ADAM23: variants seen among roughly 807,000 people sequenced by gnomAD.
The protein encoded by ADAM23 is disintegrin and metalloproteinase domain-containing protein 23.
In ADAM23, 33 loss-of-function variants were observed where a neutral mutation model predicts 120.1. The observed-to-expected ratio is 0.27, with a 90% CI of 0.21 to 0.37. The LOEUF (loss-of-function observed/expected upper bound fraction) is 0.37, where lower values mean the gene tolerates loss of function less well. ADAM23 is among the 10% of genes least tolerant of loss of function. ADAM23 has a pLI of 1.00. For synonymous variants in ADAM23, 367 were observed against 375.2 expected (o/e 0.98, Z 0.25); for missense variants, 862 against 1,058.2 (o/e 0.81, Z 2.57).
At chr2:206,526,679 C>G (rs1201837186) in intron 3 of ADAM23, among the ~76,000 whole-genome samples, 1 of 152,174 alleles carries the variant, frequency 6.6e-6, no homozygotes, top group Non-Finnish European at 1.5e-5. Flanking sequence ...CTAACTGCAG[C>G]AGAACCTGCA....
chr2:206,531,068 G>T, intron 4 of ADAM23, 120 bp downstream of exon 4: 1 of 697,672 alleles, frequency 1.4e-6, no homozygotes, highest in Non-Finnish European at 2.3e-6. Flanking sequence ...CTTTTACAAT[G>T]ATACTATTTT....
At position 206,550,176 on chromosome 2, in the gene ADAM23, C is replaced by T. The variant is rs763795167; in HGVS notation, c.933+16C>T. On this transcript the variant is annotated intron_variant, in intron 9 of 25. Coordinates refer to ENST00000264377, the MANE Select transcript of ADAM23 (RefSeq NM_003812.4). ...TCACAAAACGGTAAGAATATAGAGTCAGTGGGTTTTAGAACAGATAGCTTA... is the reference window on the plus strand; with the variant it reads ...TCACAAAACGGTAAGAATATAGAGTTAGTGGGTTTTAGAACAGATAGCTTA... 10 of 1,513,762 alleles carry T rather than the reference C, an allele frequency of 6.6e-6. 2 individuals are homozygous for T. In the South Asian group the frequency reaches 1.2e-4, roughly 18 times the overall value. The allele number at this position is 1,513,762 out of a possible 1,614,324, so 93.8% of individuals were successfully genotyped here.
intron 4 of ADAM23, 97 bp downstream of exon 4, chr2:206,531,045 A>G: frequency 1.2e-6 from 1 of 842,780 alleles, no homozygotes; most frequent in Non-Finnish European, 1.8e-6. Context: ...GTCTCAGTAA[A>G]ATCACCTGTG....
At chr2:206,604,725 A>C (rs1698699607) in intron 24 of ADAM23, among the ~76,000 whole-genome samples, 2 of 152,168 alleles carry the variant, frequency 1.3e-5, no homozygotes, top group Non-Finnish European at 2.9e-5. Flanking sequence ...TTAGCTAAAA[A>C]TGTCAGTGAG....
At chr2:206,603,748 C>T (rs1698681526) in intron 24 of ADAM23, among the ~76,000 whole-genome samples, 1 of 152,234 alleles carries the variant, frequency 6.6e-6, no homozygotes, top group South Asian at 2.1e-4. Flanking sequence ...TGAGAAATTA[C>T]ATCCATAGCA....
At chr2:206,608,993 TG>T (rs1698780064) in intron 24 of ADAM23, among the ~76,000 whole-genome samples, 1 of 152,224 alleles carries the variant, frequency 6.6e-6, no homozygotes, top group African/African-American at 2.4e-5. Flanking sequence ...GGATGGGATA[TG>T]TAAAGTAATT....
intron 6 of ADAM23, among the ~76,000 whole-genome samples, 178 bp downstream of exon 6, chr2:206,543,494 C>A (rs187664975): frequency 4.0e-4 from 61 of 152,200 alleles, no homozygotes; most frequent in Admixed American, 7.8e-4. Flanking sequence ...GGCCCATGTA[C>A]CCGTAAAGGA....
At chr2:206,478,507 TATGATGATGATGATG>T (rs58463126) in intron 2 of ADAM23, among the ~76,000 whole-genome samples, 3 of 150,416 alleles carry the variant, frequency 2.0e-5, no homozygotes, top group Non-Finnish European at 3.0e-5. Flanking sequence ...ATCATAATGA[TATGATGATGATGATG>T]ATGATGATGA....
intron 3 of ADAM23, among the ~76,000 whole-genome samples, chr2:206,522,198 AT>A (rs1253391994): frequency 1.3e-5 from 2 of 151,928 alleles, no homozygotes; most frequent in Non-Finnish European, 2.9e-5. Context: ...ATTCAACTAT[AT>A]TTGTACACAT....
intron 24 of ADAM23, among the ~76,000 whole-genome samples, chr2:206,601,757 G>C (rs1698643727): frequency 6.9e-6 from 1 of 144,040 alleles, no homozygotes; most frequent in Non-Finnish European, 1.5e-5. Context: ...CTGAGCAAGA[G>C]AGTAAGACCC....
chr2:206,499,681 A>T (rs1696347558), intron 3 of ADAM23, among the ~76,000 whole-genome samples: 1 of 152,112 alleles, frequency 6.6e-6, no homozygotes, highest in Non-Finnish European at 1.5e-5. Flanking sequence ...TTTACATGTG[A>T]TCTTACTCCT....
At chr2:206,515,647 G>T (rs1696714978) in intron 3 of ADAM23, among the ~76,000 whole-genome samples, 1 of 152,108 alleles carries the variant, frequency 6.6e-6, no homozygotes, top group African/African-American at 2.4e-5. Flanking sequence ...ACTTTTCCAT[G>T]CTTTGGCATC....
intron 3 of ADAM23, among the ~76,000 whole-genome samples, chr2:206,508,496 C>T (rs1027958172): frequency 8.6e-5 from 13 of 150,666 alleles, no homozygotes; most frequent in African/African-American, 2.9e-4. Flanking sequence ...TCTCTACTAA[C>T]AATACAAAAA....
At chr2:206,482,230 G>A (rs1012661007) in intron 3 of ADAM23, among the ~76,000 whole-genome samples, 1 of 152,202 alleles carries the variant, frequency 6.6e-6, no homozygotes, top group African/African-American at 2.4e-5. Flanking sequence ...TCCTTACCAA[G>A]TGTTATTGCA....
chr2:206,524,603 G>A (rs1445121313), intron 3 of ADAM23, among the ~76,000 whole-genome samples: 1 of 152,242 alleles, frequency 6.6e-6, no homozygotes, highest in African/African-American at 2.4e-5. Context: ...CACAATCATG[G>A]TGGAAGGTGA....
In ADAM23 at chr2:206,592,663, C is replaced by T; in HGVS notation, c.2005C>T (p.Pro669Ser). Residue 669 changes from proline to serine, a missense_variant, in exon 22 of 26, where the codon CCA becomes TCA. Physicochemically the swap from Pro to Ser is moderately conservative, Grantham distance 74. Transcript: ENST00000264377. ...FLLCTNLTRA[P>S]RIGQLQGEII... ...ACTCTGTACCAATCTTACTCGAGCT[C>T]CACGTATTGGTCAACTTCAGGGTGA... 6.2e-7 allele frequency: 1 copy of T among 1,614,008 alleles called. No homozygotes were observed. Among genetic ancestry groups the T allele is most frequent in the Non-Finnish European group, 8.5e-7 (1 of 1,179,920 alleles).
chr2:206,553,414 C>T (rs781780357), intron 9 of ADAM23, among the ~76,000 whole-genome samples: 6 of 151,992 alleles, frequency 3.9e-5, no homozygotes, highest in Admixed American at 3.3e-4. Flanking sequence ...CCAGCCTGGG[C>T]GACAGAGTGA....
chr2:206,504,264 G>C (rs1003652784), intron 3 of ADAM23, among the ~76,000 whole-genome samples: 1 of 151,964 alleles, frequency 6.6e-6, no homozygotes, highest in African/African-American at 2.4e-5. Flanking sequence ...TTATTGGTTT[G>C]CCTGTTTAAT....
At chr2:206,515,958 C>T (rs1376398721) in intron 3 of ADAM23, among the ~76,000 whole-genome samples, 1 of 151,920 alleles carries the variant, frequency 6.6e-6, no homozygotes, top group African/African-American at 2.4e-5. Flanking sequence ...GGGCTCTTCT[C>T]TTTCTATTAT....
Sources: allele counts gnomAD v4.1 joint callset (sites outside exome capture counted in the v4.1 genomes callset), GRCh38; gene constraint gnomAD v4.1.1; transcripts MANE v1.5; gene names NCBI Gene and HGNC (gene_info 2026-07-23, HGNC 2026-07-21).